The following NCAPG2 variants were observed in gnomAD, a reference collection of about 807,000 sequenced individuals.
The protein encoded by NCAPG2 is non-SMC condensin II complex subunit G2.
A neutral mutation model predicts 141.1 loss-of-function variants in NCAPG2; 53 were observed. That is an observed-to-expected ratio of 0.38 (90% CI 0.30 to 0.47). NCAPG2 has a LOEUF of 0.47. NCAPG2 is among the 20% of genes least tolerant of loss of function. The pLI is 0.99. For synonymous variants in NCAPG2, 499 were observed against 490.7 expected (o/e 1.02, Z -0.22); for missense variants, 1,087 against 1,389.0 (o/e 0.78, Z 3.46).
At chr7:158,686,089 C>G (rs981941583) in intron 8 of NCAPG2, 83 bp downstream of exon 8, 2 of 837,938 alleles carry the variant, frequency 2.4e-6, no homozygotes, top group African/African-American at 3.6e-5. Context: ...AAACATGGAT[C>G]TTAAATAACC....
At chr7:158,642,870 A>G (rs1352424079) in intron 27 of NCAPG2, among the ~76,000 whole-genome samples, 1 of 152,170 alleles carries the variant, frequency 6.6e-6, no homozygotes, top group Non-Finnish European at 1.5e-5. Context: ...ATAAACCTCT[A>G]GCCAGGCTAA....
At chr7:158,688,715 GA>G (rs1275427706) in intron 6 of NCAPG2, among the ~76,000 whole-genome samples, 2 of 152,176 alleles carry the variant, frequency 1.3e-5, no homozygotes, top group African/African-American at 4.8e-5. Flanking sequence ...ACAAAACTCT[GA>G]GGCTGAAAGG....
intron 16 of NCAPG2, among the ~76,000 whole-genome samples, chr7:158,658,951 G>C (rs1832245980): frequency 6.7e-6 from 1 of 149,940 alleles, no homozygotes; most frequent in African/African-American, 2.5e-5. Context: ...CCTGAGGTGA[G>C]AGGACTGCGT....
At chr7:158,669,527 C>A (rs1019765406) in intron 13 of NCAPG2, among the ~76,000 whole-genome samples, 2 of 151,938 alleles carry the variant, frequency 1.3e-5, no homozygotes, top group African/African-American at 4.8e-5. Context: ...CTTTGGGAGG[C>A]CAAAACAGGT....
At chr7:158,700,643 T>A (rs1479935635) in intron 2 of NCAPG2, among the ~76,000 whole-genome samples, 1 of 152,230 alleles carries the variant, frequency 6.6e-6, no homozygotes, top group Admixed American at 6.5e-5. Flanking sequence ...ATTTTTAAGT[T>A]TACAGGATAT....
chr7:158,693,369 C>T lies in NCAPG2; in HGVS notation c.207G>A (p.Gly69=), dbSNP rs745976027. ...TDVLLESPVD[G]WQVVEAQGED... is the part of the protein sequence containing the mutation. Reference sequence around the variant, plus strand: ...CACCCTGGGCTTCCACTACCTGCCACCCATCCACTGGGCTTTCTAACAACA... The same window carrying T: ...CACCCTGGGCTTCCACTACCTGCCATCCATCCACTGGGCTTTCTAACAACA... Residue 69 remains glycine, a synonymous_variant, in exon 3 of 28, where the codon GGG becomes GGA. Transcript: ENST00000356309. 5 of 1,614,162 alleles carry T rather than the reference C, an allele frequency of 3.1e-6. No homozygotes were observed. Among genetic ancestry groups the T allele is most frequent in the South Asian group, 1.1e-5 (1 of 91,082 alleles).
At chr7:158,676,285 G>A (rs1834044973) in intron 11 of NCAPG2, among the ~76,000 whole-genome samples, 1 of 152,178 alleles carries the variant, frequency 6.6e-6, no homozygotes. Context: ...CAGACTGCTG[G>A]AAACGTCATA....
At chr7:158,671,333 C>T (rs1231139678) in intron 13 of NCAPG2, among the ~76,000 whole-genome samples, 181 bp downstream of exon 13, 1 of 152,190 alleles carries the variant, frequency 6.6e-6, no homozygotes, top group Admixed American at 6.5e-5. Context: ...AGAAAGAAAA[C>T]ACATTGATAA....
At chr7:158,665,898 T>A (rs1423493113) in intron 13 of NCAPG2, among the ~76,000 whole-genome samples, 2 of 152,164 alleles carry the variant, frequency 1.3e-5, no homozygotes, top group Non-Finnish European at 2.9e-5. Context: ...GCCCCGGGGA[T>A]ACTTCCACTC....
In NCAPG2 at chr7:158,675,665, A is replaced by T; in HGVS notation, c.1147-9T>A. ...GGATCTTCTAAAAGGCTCTATAAGT[A>T]GGAGGGGAGAAAGGCTTAAAAACCT... On this transcript the variant is annotated splice_polypyrimidine_tract_variant and intron_variant, in intron 11 of 27. Transcript: ENST00000356309. 2.5e-6 allele frequency: 4 copies of T among 1,604,420 alleles called. No homozygotes were observed. Among genetic ancestry groups the T allele is most frequent in the Non-Finnish European group, 3.4e-6 (4 of 1,177,850 alleles).
At chr7:158,687,620 G>A (rs1036330688) in intron 6 of NCAPG2, among the ~76,000 whole-genome samples, 178 bp from the exon 7 acceptor site, 6 of 152,176 alleles carry the variant, frequency 3.9e-5, no homozygotes, top group East Asian at 1.9e-4. Flanking sequence ...GCACAGCCAG[G>A]AGCCACACAA....
rs577241445 is a variant in NCAPG2, at chr7:158,689,831, G to A, written c.660C>T (p.Ile220=). ...LLECFININY[I]KKEEGRRFLS... ...AATACCTATTTACCTCTTCTTTCTTGATATAATTAATATTTATGAAGCACT... is the reference window on the plus strand; with the variant it reads ...AATACCTATTTACCTCTTCTTTCTTAATATAATTAATATTTATGAAGCACT... The change falls in exon 6 of 28, where the codon ATC becomes ATT. Residue 220 remains isoleucine (I), a synonymous_variant. Transcript: ENST00000356309. The A allele has an allele frequency of 6.3e-7, 1 of 1,578,322 alleles. No homozygotes were observed. Among genetic ancestry groups the A allele is most frequent in the South Asian group, 1.2e-5 (1 of 86,574 alleles).
chr7:158,665,291 T>A (rs1832831007), intron 13 of NCAPG2: 1 of 153,856 alleles, frequency 6.5e-6, no homozygotes, highest in Non-Finnish European at 1.4e-5. Flanking sequence ...CCCGCACCCA[T>A]CTCACATGCA....
At chr7:158,676,154 A>G (rs1189941586) in intron 11 of NCAPG2, among the ~76,000 whole-genome samples, 1 of 152,190 alleles carries the variant, frequency 6.6e-6, no homozygotes, top group Non-Finnish European at 1.5e-5. Context: ...AAATAATCTC[A>G]CGAAACAAAA....
intron 25 of NCAPG2, among the ~76,000 whole-genome samples, chr7:158,646,233 A>T (rs1563500260): frequency 6.6e-6 from 1 of 152,172 alleles, no homozygotes; most frequent in Non-Finnish European, 1.5e-5. Flanking sequence ...CTAACCAGAG[A>T]CTATTTAGAT....
chr7:158,677,210 C>G (rs1226476991), intron 11 of NCAPG2, among the ~76,000 whole-genome samples: 4 of 152,036 alleles, frequency 2.6e-5, no homozygotes, highest in African/African-American at 9.7e-5. Flanking sequence ...AAAAAAAGAG[C>G]CAGCAATAAC....
At chr7:158,671,082 G>C (rs1333253184) in intron 13 of NCAPG2, among the ~76,000 whole-genome samples, 1 of 143,068 alleles carries the variant, frequency 7.0e-6, no homozygotes. Context: ...CTCTGTGTGG[G>C]GCAGGGGGGT....
chr7:158,677,545 A>AAAAAAAAAAAAAG, intron 11 of NCAPG2, among the ~76,000 whole-genome samples: 1 of 143,516 alleles, frequency 7.0e-6, no homozygotes, highest in Non-Finnish European at 1.5e-5. Context: ...AAAAAAAAAA[A>AAAAAAAAAAAAAG]AAACAGAAAA....
chr7:158,680,624 T>A (rs1834391817), intron 10 of NCAPG2, 97 bp downstream of exon 10: 1 of 719,382 alleles, frequency 1.4e-6, no homozygotes, highest in South Asian at 4.0e-5. Context: ...TTCAGCCTTA[T>A]CTTTACTATT....
Sources: gnomAD v4.1 joint callset for allele counts (sites outside exome capture counted in the v4.1 genomes callset) on GRCh38, gnomAD v4.1.1 for gene constraint, MANE v1.5 for transcripts, NCBI Gene and HGNC (gene_info 2026-07-23, HGNC 2026-07-21) for gene names.